Variants in CHEK2 observed in about 807,000 individuals in gnomAD.
CHEK2 encodes the protein checkpoint kinase 2.
Under a neutral mutation model 69.1 loss-of-function variants are expected in CHEK2, and 71 were observed. The observed-to-expected ratio is 1.03, with a 90% confidence interval of 0.85 to 1.25. The LOEUF (loss-of-function observed/expected upper bound fraction) is 1.25. CHEK2 is among the 50% of genes most tolerant of loss of function. The pLI, the probability that CHEK2 is intolerant of heterozygous loss-of-function variation, is 0.00. For missense variants in CHEK2, 664 were observed against 649.6 expected (o/e 1.02, Z -0.24); for synonymous variants, 189 against 226.9 (o/e 0.83, Z 1.50).
At chr22:28,722,558 AAG>A (rs1569154099) in intron 4 of CHEK2, among the ~76,000 whole-genome samples, 2 of 146,108 alleles carry the variant, frequency 1.4e-5, no homozygotes, top group South Asian at 2.1e-4. Context: ...AAAAAAAAAA[AAG>A]AAAAGAAAAG....
intron 6 of CHEK2, among the ~76,000 whole-genome samples, chr22:28,710,417 T>C (rs1024643789): frequency 2.0e-5 from 3 of 152,226 alleles, no homozygotes; most frequent in African/African-American, 4.8e-5. Context: ...GTGTTTCCAC[T>C]GTGTTCATTT....
chr22:28,735,664 C>T, intron 1 of CHEK2, among the ~76,000 whole-genome samples: 1 of 148,694 alleles, frequency 6.7e-6, no homozygotes, highest in East Asian at 2.1e-4. Context: ...GGTAGATCAC[C>T]TGAGATCAGG....
chr22:28,741,460 G>A (rs761826658), intron 1 of CHEK2, among the ~76,000 whole-genome samples: 3 of 151,964 alleles, frequency 2.0e-5, no homozygotes, highest in Non-Finnish European at 1.5e-5. Context: ...TTTATAGATT[G>A]AACCTAAAGA....
At chr22:28,702,414 A>AT in intron 8 of CHEK2, among the ~76,000 whole-genome samples, 1 of 146,496 alleles carries the variant, frequency 6.8e-6, no homozygotes, top group East Asian at 2.0e-4. Flanking sequence ...AATTTTTTGT[A>AT]TTTTTAGTAG....
At chr22:28,708,280 C>A (rs1164042743) in intron 7 of CHEK2, among the ~76,000 whole-genome samples, 1 of 151,554 alleles carries the variant, frequency 6.6e-6, no homozygotes, top group Admixed American at 6.6e-5. Context: ...ATCGCTTGGT[C>A]CCAGGAGTTT....
At chr22:28,703,923 T>C (rs960533249) in intron 7 of CHEK2, among the ~76,000 whole-genome samples, 1 of 152,052 alleles carries the variant, frequency 6.6e-6, no homozygotes, top group African/African-American at 2.4e-5. Context: ...GACTGACAAG[T>C]AGCATGAATA....
chr22:28,693,401 T>A (rs2052438362), intron 13 of CHEK2, among the ~76,000 whole-genome samples: 1 of 152,172 alleles, frequency 6.6e-6, no homozygotes, highest in Admixed American at 6.5e-5. Flanking sequence ...TTATACCCAG[T>A]CACTTGGGCT....
At chr22:28,717,647 G>A (rs917493398) in intron 5 of CHEK2, among the ~76,000 whole-genome samples, 4 of 152,096 alleles carry the variant, frequency 2.6e-5, no homozygotes, top group African/African-American at 9.7e-5. Flanking sequence ...GGCCGAGGCA[G>A]GCAGATCACC....
chr22:28,726,626 A>G (rs1327050547), intron 2 of CHEK2, among the ~76,000 whole-genome samples: 1 of 148,090 alleles, frequency 6.8e-6, no homozygotes, highest in East Asian at 1.9e-4. Context: ...AAACACACAC[A>G]TACACATACA....
At chr22:28,737,941 C>T (rs1343919957) in intron 1 of CHEK2, 1 of 152,270 alleles carries the variant, frequency 6.6e-6, no homozygotes, top group African/African-American at 2.4e-5. Flanking sequence ...TGTGGTGGTT[C>T]ATGTCTGTAA....
chr22:28,707,558 G>A (rs972575187), intron 7 of CHEK2, among the ~76,000 whole-genome samples: 7 of 152,158 alleles, frequency 4.6e-5, no homozygotes, highest in East Asian at 1.9e-4. Flanking sequence ...ACAAGTGTTC[G>A]AAAAGTAATC....
chr22:28,701,915 A>G (rs1357146608), intron 8 of CHEK2, among the ~76,000 whole-genome samples: 1 of 152,010 alleles, frequency 6.6e-6, no homozygotes, highest in Non-Finnish European at 1.5e-5. Context: ...AAAATGGCGT[A>G]AGATTTGCAT....
rs587780189 is a variant in CHEK2, at chr22:28,711,950, T to A, written c.751A>T (p.Ile251Phe). 3.3e-5 allele frequency: 53 copies of A among 1,613,926 alleles called. No homozygotes were observed. Among genetic ancestry groups the A allele is most frequent in the Non-Finnish European group, 4.5e-5 (53 of 1,179,970 alleles). Reference sequence around the variant, plus strand: ...CCAATAGCAAACTTCCTTTTGCTGATGATCTTTATGGCTACTTTCTTACAT... The same window carrying A: ...CCAATAGCAAACTTCCTTTTGCTGAAGATCTTTATGGCTACTTTCTTACAT... ...KTCKKVAIKIISKRKFAIGSA... is the reference protein window; with the variant it reads ...KTCKKVAIKIFSKRKFAIGSA... Residue 251 changes from isoleucine (I) to phenylalanine (F), a missense_variant, in exon 6 of 15, where the codon ATC (isoleucine) becomes TTC (phenylalanine). Ile to Phe is a conservative substitution (Grantham distance 21). Transcript: ENST00000404276.
In CHEK2 at chr22:28,695,985, T is replaced by C. The variant is rs2052571962; in HGVS notation, c.1096-112A>G. 4 of 776,192 alleles carry C rather than the reference T, an allele frequency of 5.2e-6. No homozygotes were observed. In the Admixed American group the frequency reaches 8.8e-5, roughly 17 times the overall value. The allele number at this position is 776,192 out of a possible 1,614,324, so 48.1% of individuals were successfully genotyped here. A position where few individuals can be genotyped will look rare whatever the true frequency, so the allele number is the denominator to read the frequency against. On this transcript the variant is annotated intron_variant, in intron 10 of 14. Coordinates refer to ENST00000404276, the MANE Select transcript of CHEK2 (RefSeq NM_007194.4). ...GGCTAGATCAGTTTCTATTGTACAA[T>C]TCACACCTGCCATTAATCTGGAATT...
rs1060502712 is a variant in CHEK2, at chr22:28,699,874, G to T, written c.972C>A (p.Cys324Ter). The T allele has an allele frequency of 6.2e-7, 1 of 1,614,026 alleles. No individual in the cohort carries two copies. The highest frequency in any genetic ancestry group is 8.5e-7 in the Non-Finnish European group (1 of 1,179,904). ...VGNKRLKEAT[C>*]KLYFYQMLLA... is the part of the protein sequence containing the mutation. ...AGAGCATCTGGTAAAAATAGAGCTT[G>T]CAGGTAGCTTCTTTCAGGCGTTTAT... The change falls in exon 9 of 15, where the codon TGC becomes TGA. Residue 324 changes from cysteine (C) to a stop codon, truncating the protein, a stop_gained. Coordinates refer to ENST00000404276, the MANE Select transcript of CHEK2 (RefSeq NM_007194.4). LOFTEE classifies it high-confidence loss of function.
chr22:28,725,589 A>C (rs1215883323), intron 2 of CHEK2, among the ~76,000 whole-genome samples: 1 of 152,320 alleles, frequency 6.6e-6, no homozygotes. Context: ...GGCCAGGCAC[A>C]GTGGCTCACA....
Position 28,693,031 on chromosome 22 carries a change from T to G in CHEK2, c.1461+1001A>C, listed in dbSNP as rs557175376. Among the ~76,000 whole-genome samples the G allele has an allele frequency of 7.9e-5, 12 of 152,298 alleles. 1 individual carries two copies. Among genetic ancestry groups the G allele is most frequent in the African/African-American group, 2.9e-4 (12 of 41,576 alleles). On this transcript the variant is annotated intron_variant, in intron 13 of 14. Coordinates refer to ENST00000404276, the MANE Select transcript of CHEK2 (RefSeq NM_007194.4). Reference sequence around the variant, plus strand: ...CTGTGAGTCAGTTAAACCTCTTTTCTTTGTAAATTACCCAGTCTTGGGCAG... The same window carrying G: ...CTGTGAGTCAGTTAAACCTCTTTTCGTTGTAAATTACCCAGTCTTGGGCAG...
chr22:28,734,260 G>T (rs966972017), intron 2 of CHEK2, 143 bp downstream of exon 2: 2 of 747,894 alleles, frequency 2.7e-6, no homozygotes, highest in Non-Finnish European at 2.3e-6. Flanking sequence ...TGCTTTCATT[G>T]CTTGTTCATG....
chr22:28,741,794 ACT>A lies in CHEK2; in HGVS notation c.-34_-33del, dbSNP rs1555936097. The A allele has an allele frequency of 2.0e-6, 1 of 494,396 alleles. No homozygotes were observed. Among genetic ancestry groups the A allele is most frequent in the Admixed American group, 3.5e-5 (1 of 28,766 alleles). The allele number at this position is 494,396 out of a possible 1,614,324, so 30.6% of individuals were successfully genotyped here. On this transcript the variant is annotated 5_prime_UTR_variant, in exon 1 of 15. Transcript: ENST00000404276. The stretch of plus-strand genomic sequence containing the variant: ...CGCGTGAGCCCACCTGGAGCCGCAC[ACT>A]CTCCGCAGCCTCAGCCAGCAGAGTG...
Sources: gnomAD v4.1 joint callset for allele counts (sites outside exome capture counted in the v4.1 genomes callset) on GRCh38, gnomAD v4.1.1 for gene constraint, MANE v1.5 for transcripts, NCBI Gene and HGNC (gene_info 2026-07-23, HGNC 2026-07-21) for gene names.